Variants in CTIF observed in about 807,000 individuals in gnomAD.
The protein encoded by CTIF is CBP80/20-dependent translation initiation factor.
In CTIF, 21 loss-of-function variants were observed where a neutral mutation model predicts 66.0. That is an observed-to-expected ratio of 0.32 (90% CI 0.23 to 0.46). CTIF has a LOEUF of 0.46. CTIF is among the 20% of genes least tolerant of loss of function. The probability of loss-of-function intolerance (pLI) is 1.00; values close to 1 mark genes in which losing one functional copy is unlikely to be tolerated. For missense variants in CTIF, 739 were observed against 812.7 expected, an observed-to-expected ratio of 0.91 and a Z score of 1.10; for synonymous variants, 345 against 326.4, an observed-to-expected ratio of 1.06 and a Z score of -0.62.
At chr18:48,672,985 A>G (rs566986011) in intron 6 of CTIF, among the ~76,000 whole-genome samples, 1 of 152,222 alleles carries the variant, frequency 6.6e-6, no homozygotes, top group African/African-American at 2.4e-5. Context: ...CCCTCTGCCT[A>G]AAATCTCACT....
At chr18:48,721,757 C>G (rs116463977) in intron 7 of CTIF, among the ~76,000 whole-genome samples, 2 of 147,898 alleles carry the variant, frequency 1.4e-5, no homozygotes, top group Admixed American at 6.6e-5. Flanking sequence ...GCATCCCCCC[C>G]TCTCTGTCCT....
At chr18:48,695,267 C>G (rs2091989347) in intron 6 of CTIF, among the ~76,000 whole-genome samples, 1 of 152,244 alleles carries the variant, frequency 6.6e-6, no homozygotes, top group African/African-American at 2.4e-5. Context: ...TTGTTTAAAG[C>G]CACATTCATT....
intron 7 of CTIF, 77 bp downstream of exon 7, chr18:48,711,772 G>C: frequency 1.6e-6 from 2 of 1,274,214 alleles, no homozygotes; most frequent in Non-Finnish European, 2.3e-6. Context: ...GCTTTGGCCT[G>C]CATTTCGCTT....
chr18:48,654,710 A>G (rs1011942906), intron 3 of CTIF, among the ~76,000 whole-genome samples: 2 of 152,378 alleles, frequency 1.3e-5, no homozygotes, highest in Admixed American at 6.5e-5. Context: ...AATAGCAAAG[A>G]CTTGGAACCA....
rs545825965 is a variant in CTIF, at chr18:48,814,827, C to A, written c.1372-2394C>A. 5.9e-5 allele frequency among the ~76,000 whole-genome samples: 9 copies of A among 152,268 alleles called. No homozygotes were observed. In the South Asian group the frequency reaches 1.7e-3, roughly 28 times the overall value. On this transcript the variant is annotated intron_variant, in intron 9 of 11. Coordinates refer to ENST00000256413, the MANE Select transcript of CTIF (RefSeq NM_014772.3). ...CTGGGCACGCACTACTTGCGGGGTC[C>A]CTGGAGTCTCTTGTGGTCCCTTTTC...
intron 10 of CTIF, among the ~76,000 whole-genome samples, chr18:48,835,369 C>T (rs1341272642): frequency 1.3e-5 from 2 of 152,226 alleles, no homozygotes; most frequent in African/African-American, 4.8e-5. Flanking sequence ...GAGGCAGTCA[C>T]TGTCCTACAC....
intron 1 of CTIF, among the ~76,000 whole-genome samples, chr18:48,572,202 G>A (rs1284712694): frequency 6.6e-6 from 1 of 151,774 alleles, no homozygotes; most frequent in Non-Finnish European, 1.5e-5. Context: ...CAACTGATTG[G>A]AGGAGGCCCA....
chr18:48,594,076 G>GC (rs2089944633), intron 1 of CTIF, among the ~76,000 whole-genome samples: 1 of 142,728 alleles, frequency 7.0e-6, no homozygotes, highest in Admixed American at 7.1e-5. Context: ...CCTCCTATCT[G>GC]CCCCCTTCCC....
intron 2 of CTIF, among the ~76,000 whole-genome samples, chr18:48,631,591 T>G (rs535844106): frequency 6.6e-6 from 1 of 152,286 alleles, no homozygotes; most frequent in East Asian, 1.9e-4. Context: ...AAAATGCACA[T>G]CTATTTTGAG....
chr18:48,772,849 C>G (rs181109856), intron 9 of CTIF, among the ~76,000 whole-genome samples: 4 of 152,254 alleles, frequency 2.6e-5, no homozygotes, highest in Admixed American at 2.6e-4. Context: ...GGGTATATAC[C>G]TAGAAGTGGA....
At position 48,741,962 on chromosome 18, in the gene CTIF, G is replaced by A. The variant is rs138161452; in HGVS notation, c.585-15957G>A. Among the ~76,000 whole-genome samples, 348 of 152,268 alleles carry A rather than the reference G, an allele frequency of 2.3e-3. 1 individual carries two copies. The highest frequency in any genetic ancestry group is 3.8e-3 in the Non-Finnish European group (260 of 68,018). ...CCCCAGCTCAGAAACCACTTACCAG[G>A]GCTCCTGACCCACAGCAAAAATCTA... On this transcript the variant is annotated intron_variant, in intron 7 of 11. Coordinates refer to ENST00000256413, the MANE Select transcript of CTIF (RefSeq NM_014772.3).
chr18:48,670,897 A>ATTCT (rs2091523177), intron 6 of CTIF, among the ~76,000 whole-genome samples, 153 bp downstream of exon 6: 1 of 152,074 alleles, frequency 6.6e-6, no homozygotes, highest in Non-Finnish European at 1.5e-5. Context: ...AGGGCTGGCT[A>ATTCT]CCTGCCATTC....
intron 9 of CTIF, among the ~76,000 whole-genome samples, chr18:48,803,033 T>C (rs2068077479): frequency 6.6e-6 from 1 of 152,274 alleles, no homozygotes; most frequent in African/African-American, 2.4e-5. Context: ...ACAGAATTCC[T>C]GCTGGATCAG....
chr18:48,723,593 G>C (rs1266621585), intron 7 of CTIF, among the ~76,000 whole-genome samples: 2 of 152,150 alleles, frequency 1.3e-5, no homozygotes, highest in Non-Finnish European at 2.9e-5. Context: ...GGGCAGCTCA[G>C]GGGGTGGGGA....
chr18:48,601,962 G>A (rs1413353274), intron 1 of CTIF, among the ~76,000 whole-genome samples: 6 of 152,190 alleles, frequency 3.9e-5, no homozygotes, highest in Admixed American at 2.6e-4. Flanking sequence ...TGGCTTGCTC[G>A]TTTCACTGAT....
chr18:48,659,757 G>A (rs967977851), intron 3 of CTIF, among the ~76,000 whole-genome samples: 1 of 152,238 alleles, frequency 6.6e-6, no homozygotes, highest in Admixed American at 6.5e-5. Flanking sequence ...GAGAGAGGAA[G>A]GAGAAGCAGC....
rs571978346 is a variant in CTIF, at chr18:48,759,983, A to G, written c.1072-1407A>G. ...AAATCCTAGGTGGCCAACCAGCCAC[A>G]TCCTAAACATTTTCATCAGGGAGAG... On this transcript the variant is annotated intron_variant, in intron 8 of 11. Coordinates refer to ENST00000256413, the MANE Select transcript of CTIF (RefSeq NM_014772.3). 3.9e-5 allele frequency among the ~76,000 whole-genome samples: 6 copies of G among 152,310 alleles called. No homozygotes were observed. The East Asian group carries it at 1.2e-3, about 29-fold the overall frequency.
chr18:48,736,324 C>T (rs556210793), intron 7 of CTIF, among the ~76,000 whole-genome samples: 6 of 152,322 alleles, frequency 3.9e-5, no homozygotes, highest in East Asian at 1.9e-4. Flanking sequence ...CTGCCTTCTG[C>T]ACTCGGCATG....
chr18:48,752,263 T>G (rs1254058474), intron 7 of CTIF, among the ~76,000 whole-genome samples: 4 of 152,144 alleles, frequency 2.6e-5, no homozygotes, highest in African/African-American at 7.2e-5. Context: ...CAGGAGTGTT[T>G]CTGATGCATG....
Sources: allele counts gnomAD v4.1 joint callset (sites outside exome capture counted in the v4.1 genomes callset), GRCh38; gene constraint gnomAD v4.1.1; transcripts MANE v1.5; gene names NCBI Gene and HGNC (gene_info 2026-07-23, HGNC 2026-07-21).